Variants in ABAT observed in about 807,000 individuals in gnomAD.
ABAT encodes 4-aminobutyrate aminotransferase, mitochondrial.
Under a neutral mutation model 64.6 loss-of-function variants are expected in ABAT, and 45 were observed. That is an observed-to-expected ratio of 0.70 (90% CI 0.55 to 0.89). The LOEUF (loss-of-function observed/expected upper bound fraction) is 0.89, where lower values mean the gene tolerates loss of function less well. Among genes scored for constraint, ABAT ranks in the 40% least tolerant of loss-of-function variants. The pLI is 0.00. For missense variants in ABAT, 633 were observed against 658.4 expected (o/e 0.96, Z 0.42); for synonymous variants, 297 against 250.5 (o/e 1.19, Z -1.75).
At chr16:8,772,337 C>T (rs960545027) in intron 11 of ABAT, among the ~76,000 whole-genome samples, 10 of 150,896 alleles carry the variant, frequency 6.6e-5, no homozygotes, top group Non-Finnish European at 1.2e-4. Context: ...TCAATATACC[C>T]GTGATGTAGC....
intron 1 of ABAT, chr16:8,722,765 A>C (rs2058408622): frequency 1.6e-6 from 2 of 1,256,454 alleles, no homozygotes; most frequent in Non-Finnish European, 2.1e-6. Context: ...TTCTTTCCCC[A>C]GATGCGCCCA....
chr16:8,776,780 T>C lies in ABAT; in HGVS notation c.1269+290T>C, dbSNP rs1162081119. On this transcript the variant is annotated intron_variant, in intron 14 of 15. Transcript: ENST00000268251. This position sits in a 1 kb window ranked among gnomAD's most constrained non-coding sequence, Gnocchi z 4.4. ...TTAATATTGAGACATGGTCAAGCTCTGTTAGCCAGTCCGGCCTTGAACTCC... is the reference window on the plus strand; with the variant it reads ...TTAATATTGAGACATGGTCAAGCTCCGTTAGCCAGTCCGGCCTTGAACTCC... Among the ~76,000 whole-genome samples the C allele has an allele frequency of 1.3e-5, 2 of 152,196 alleles. No homozygotes were observed. Among genetic ancestry groups the C allele is most frequent in the African/African-American group, 4.8e-5 (2 of 41,464 alleles).
intron 1 of ABAT, among the ~76,000 whole-genome samples, chr16:8,709,460 G>A (rs2058022382): frequency 1.3e-5 from 2 of 151,948 alleles, no homozygotes; most frequent in Non-Finnish European, 2.9e-5. Context: ...TGCAACCTCC[G>A]CCTCCTGGGT....
intron 11 of ABAT, among the ~76,000 whole-genome samples, chr16:8,771,305 A>G: frequency 6.6e-6 from 1 of 151,910 alleles, no homozygotes; most frequent in Non-Finnish European, 1.5e-5. Flanking sequence ...CAAAAAAAAA[A>G]AAAAGAAAAC....
intron 1 of ABAT, among the ~76,000 whole-genome samples, chr16:8,709,652 G>A (rs2058026092): frequency 6.6e-6 from 1 of 152,188 alleles, no homozygotes; most frequent in Non-Finnish European, 1.5e-5. Context: ...GGGATTACAG[G>A]CGTGAGCCAC....
At chr16:8,710,254 A>G (rs981813623) in intron 1 of ABAT, among the ~76,000 whole-genome samples, 4 of 152,234 alleles carry the variant, frequency 2.6e-5, no homozygotes, top group Non-Finnish European at 4.4e-5. Context: ...TCAAACACAA[A>G]TAAAGGTTAT....
At chr16:8,692,065 A>AC (rs1177821866) in intron 1 of ABAT, among the ~76,000 whole-genome samples, 9 of 152,010 alleles carry the variant, frequency 5.9e-5, no homozygotes, top group Admixed American at 1.3e-4. Flanking sequence ...GAGTGGCAGG[A>AC]CCTGGGTTCC....
At chr16:8,750,637 TC>T in intron 5 of ABAT, 98 bp downstream of exon 5, 1 of 1,064,608 alleles carries the variant, frequency 9.4e-7, no homozygotes, top group Non-Finnish European at 1.5e-6. Context: ...AGCAGGCACA[TC>T]CCAGAGTGTT....
At chr16:8,720,393 A>C (rs540515390) in intron 1 of ABAT, among the ~76,000 whole-genome samples, 2 of 152,328 alleles carry the variant, frequency 1.3e-5, no homozygotes, top group African/African-American at 4.8e-5. Context: ...TTAGGAATGG[A>C]CATTTGCCTG....
intron 1 of ABAT, among the ~76,000 whole-genome samples, chr16:8,723,092 G>A (rs1019204720): frequency 6.6e-6 from 1 of 152,088 alleles, no homozygotes; most frequent in Non-Finnish European, 1.5e-5. Flanking sequence ...AATTAGCCAG[G>A]TGTGGTGGCG....
At chr16:8,773,049 A>G in intron 12 of ABAT, 132 bp downstream of exon 12, 1 of 1,229,082 alleles carries the variant, frequency 8.1e-7, no homozygotes, top group Non-Finnish European at 1.1e-6. Context: ...GTCTGTCAGC[A>G]TCAGGGGTGG....
intron 1 of ABAT, among the ~76,000 whole-genome samples, chr16:8,723,091 G>A (rs1007848682): frequency 1.3e-5 from 2 of 152,034 alleles, no homozygotes; most frequent in Non-Finnish European, 2.9e-5. Context: ...AAATTAGCCA[G>A]GTGTGGTGGC....
chr16:8,745,921 G>T, intron 2 of ABAT, 80 bp from the exon 3 acceptor site: 3 of 1,358,912 alleles, frequency 2.2e-6, no homozygotes, highest in Non-Finnish European at 3.1e-6. Flanking sequence ...CTCTGTTAGG[G>T]ACATTGGGCA....
chr16:8,720,455 G>C (rs1805446140), intron 1 of ABAT, among the ~76,000 whole-genome samples: 1 of 152,246 alleles, frequency 6.6e-6, no homozygotes, highest in Non-Finnish European at 1.5e-5. Flanking sequence ...ATAATTTTAT[G>C]ATGCCCAAGA....
Position 8,687,503 on chromosome 16 carries a change from C to T in ABAT, c.-42+12792C>T, listed in dbSNP as rs148681068. ...ATCGCGCCACCGCACTCCAGCCTGG[C>T]GACAGAGTGAGACTCCATCTCAAAA... On this transcript the variant is annotated intron_variant, in intron 1 of 15. Coordinates refer to ENST00000268251, the MANE Select transcript of ABAT (RefSeq NM_020686.6). Among the ~76,000 whole-genome samples, 1,134 of 152,276 alleles carry T rather than the reference C, an allele frequency of 7.4e-3. 12 individuals are homozygous for T. Among genetic ancestry groups the T allele is most frequent in the African/African-American group, 0.026 (1,084 of 41,560 alleles).
chr16:8,743,098 C>G (rs1325450154), intron 2 of ABAT, among the ~76,000 whole-genome samples: 1 of 148,740 alleles, frequency 6.7e-6, no homozygotes, highest in Non-Finnish European at 1.5e-5. Context: ...TTTTTCAGAT[C>G]AAAGAGAAGA....
In ABAT at chr16:8,767,752, T is replaced by C. The variant is rs556952527; in HGVS notation, c.604-441T>C. Among the ~76,000 whole-genome samples the C allele has an allele frequency of 4.6e-5, 7 of 152,270 alleles. No homozygotes were observed. The South Asian group carries it at 1.2e-3, about 27-fold the overall frequency. ...GTGCAGTGGCGCGAACTCGGCTCAC[T>C]GCAACCTCTGTCTCCCGGGTTCAAG... On this transcript the variant is annotated intron_variant, in intron 9 of 15. Transcript: ENST00000268251.
intron 1 of ABAT, among the ~76,000 whole-genome samples, chr16:8,726,409 G>C (rs2058557968): frequency 6.6e-6 from 1 of 151,786 alleles, no homozygotes; most frequent in South Asian, 2.1e-4. Flanking sequence ...TACAGGCATG[G>C]GTCACCACAC....
chr16:8,772,665 A>T, intron 11 of ABAT, 115 bp from the exon 12 acceptor site: 1 of 1,413,194 alleles, frequency 7.1e-7, no homozygotes, highest in Non-Finnish European at 1.0e-6. Flanking sequence ...TAGGAAATGC[A>T]CACAAACACA....
Sources: gnomAD v4.1 joint callset for allele counts (sites outside exome capture counted in the v4.1 genomes callset) on GRCh38, gnomAD v4.1.1 for gene constraint, Gnocchi (gnomAD v3.1) non-coding constraint, MANE v1.5 for transcripts, NCBI Gene and HGNC (gene_info 2026-07-23, HGNC 2026-07-21) for gene names.